The following GLCCI1 variants were observed in gnomAD, a reference collection of about 807,000 sequenced individuals.
The protein encoded by GLCCI1 is glucocorticoid induced 1, also known as glucocorticoid-induced transcript 1 protein.
GLCCI1 carries 24 observed loss-of-function variants against 52.2 expected under a neutral mutation model. That is an observed-to-expected ratio of 0.46 (90% CI 0.33 to 0.65). The LOEUF (loss-of-function observed/expected upper bound fraction) is 0.65, where lower values mean the gene tolerates loss of function less well. Among genes scored for constraint, GLCCI1 ranks in the 30% least tolerant of loss-of-function variants. The pLI is 0.02. For synonymous variants in GLCCI1, 310 were observed against 276.5 expected (o/e 1.12, Z -1.20); for missense variants, 704 against 701.5 (o/e 1.00, Z -0.04).
intron 5 of GLCCI1, among the ~76,000 whole-genome samples, chr7:8,061,657 CTTTT>C (rs61377819): frequency 3.3e-4 from 26 of 78,382 alleles, no homozygotes; most frequent in East Asian, 1.7e-3. Flanking sequence ...CCATTGAACT[CTTTT>C]TTTTTTTTTT....
At chr7:8,055,945 A>G (rs1355886134) in intron 4 of GLCCI1, among the ~76,000 whole-genome samples, 1 of 149,260 alleles carries the variant, frequency 6.7e-6, no homozygotes, top group African/African-American at 2.5e-5. Context: ...GTGAGCCAAG[A>G]TCGCGCCGCT....
chr7:8,047,529 A>AAG, intron 3 of GLCCI1, among the ~76,000 whole-genome samples: 3 of 152,238 alleles, frequency 2.0e-5, no homozygotes, highest in Non-Finnish European at 4.4e-5. Context: ...TGCTGAAGAT[A>AAG]ACTTTTTAGC....
intron 5 of GLCCI1, among the ~76,000 whole-genome samples, chr7:8,067,491 T>C (rs1428927910): frequency 6.6e-6 from 1 of 152,204 alleles, no homozygotes; most frequent in African/African-American, 2.4e-5. Flanking sequence ...CTTAATTGTG[T>C]TTTTGTAGTG....
Position 8,021,486 on chromosome 7 carries a change from C to T in GLCCI1, c.610-997C>T, listed in dbSNP as rs200358270. On this transcript the variant is annotated intron_variant, in intron 2 of 7. Transcript: ENST00000223145. ...GGAGTGCAATGACACAATCTTGGCT[C>T]ACTGCAGCCTCTGCCTCCCGGGTTC... 8.5e-5 allele frequency among the ~76,000 whole-genome samples: 13 copies of T among 152,226 alleles called. No homozygotes were observed. The East Asian group carries it at 2.3e-3, about 27-fold the overall frequency.
At position 8,072,359 on chromosome 7, in the gene GLCCI1, C is replaced by T. The variant is rs950801404; in HGVS notation, c.1177+1228C>T. ...ATGTGGGTAGATCTTAACAGTTCTC[C>T]CCTTTCTTGTTGACTCTTTCATTAC... On this transcript the variant is annotated intron_variant, in intron 6 of 7. Coordinates refer to ENST00000223145, the MANE Select transcript of GLCCI1 (RefSeq NM_138426.4). 3.3e-5 allele frequency among the ~76,000 whole-genome samples: 5 copies of T among 151,962 alleles called. No homozygotes were observed. In the East Asian group the frequency reaches 9.6e-4, roughly 29 times the overall value.
chr7:7,974,156 G>A (rs1240785211), intron 1 of GLCCI1, among the ~76,000 whole-genome samples: 1 of 152,146 alleles, frequency 6.6e-6, no homozygotes, highest in Admixed American at 6.5e-5. Flanking sequence ...GAGAGCAGCA[G>A]TGTTCATTAT....
At chr7:8,060,650 C>T (rs765891096) in intron 5 of GLCCI1, among the ~76,000 whole-genome samples, 14 of 152,070 alleles carry the variant, frequency 9.2e-5, no homozygotes, top group Non-Finnish European at 1.5e-4. Context: ...CCACGTTTAG[C>T]CTGTTATCAG....
intron 3 of GLCCI1, among the ~76,000 whole-genome samples, chr7:8,027,684 GAA>G (rs796859194): frequency 3.6e-5 from 5 of 139,518 alleles, no homozygotes; most frequent in Non-Finnish European, 3.1e-5. Context: ...CTGAATGGAT[GAA>G]AAAAAAAAAA....
intron 2 of GLCCI1, among the ~76,000 whole-genome samples, chr7:8,013,365 A>G (rs1339822757): frequency 2.0e-5 from 3 of 151,814 alleles, no homozygotes; most frequent in Non-Finnish European, 2.9e-5. Flanking sequence ...CTGATTTGAG[A>G]TATTGTTATA....
At chr7:7,989,807 C>T (rs147331234) in intron 1 of GLCCI1, among the ~76,000 whole-genome samples, 2 of 152,160 alleles carry the variant, frequency 1.3e-5, no homozygotes, top group African/African-American at 4.8e-5. Context: ...CATTTAAGTG[C>T]AAGGTAAACA....
At chr7:8,030,258 C>G (rs1247005705) in intron 3 of GLCCI1, among the ~76,000 whole-genome samples, 1 of 152,110 alleles carries the variant, frequency 6.6e-6, no homozygotes, top group Non-Finnish European at 1.5e-5. Flanking sequence ...AAAATGAGCT[C>G]ATTTTTGACA....
At chr7:7,988,457 C>G (rs1204736547) in intron 1 of GLCCI1, among the ~76,000 whole-genome samples, 3 of 151,992 alleles carry the variant, frequency 2.0e-5, no homozygotes. Context: ...CCTCTAAAAG[C>G]CTATTCAAAG....
chr7:8,052,246 T>TG (rs1284176743), intron 3 of GLCCI1, among the ~76,000 whole-genome samples: 6 of 152,168 alleles, frequency 3.9e-5, no homozygotes, highest in African/African-American at 1.4e-4. Context: ...GGTGCCTTAA[T>TG]GCTTGCTCAG....
At chr7:8,060,351 C>A in intron 5 of GLCCI1, 103 bp downstream of exon 5, 1 of 868,222 alleles carries the variant, frequency 1.2e-6, no homozygotes, top group Non-Finnish European at 1.8e-6. Flanking sequence ...AATTCACATA[C>A]CATCCAGTTT....
intron 4 of GLCCI1, among the ~76,000 whole-genome samples, chr7:8,058,899 C>A (rs1336744065): frequency 3.9e-5 from 6 of 152,072 alleles, no homozygotes; most frequent in Non-Finnish European, 7.4e-5. Flanking sequence ...TTGTATGTTT[C>A]ATGTATTATA....
chr7:8,088,714 T>A lies in GLCCI1; in HGVS notation c.*2176T>A, dbSNP rs1340711457. 1 of 152,664 alleles carries A rather than the reference T, an allele frequency of 6.6e-6. No homozygotes were observed. Among genetic ancestry groups the A allele is most frequent in the African/African-American group, 2.4e-5 (1 of 41,458 alleles). 9.5% of individuals were successfully genotyped at this position (152,664 alleles called of 1,614,324 possible). On this transcript the variant is annotated 3_prime_UTR_variant, in exon 8 of 8. Coordinates refer to ENST00000223145, the MANE Select transcript of GLCCI1 (RefSeq NM_138426.4). ...ATGCTTTTTTGGTGATGAAATCTCA[T>A]GTACGATATTTATAGTGATGTGCTT... is the stretch of plus-strand genomic sequence containing the variant.
At chr7:8,014,013 G>T (rs1225077128) in intron 2 of GLCCI1, among the ~76,000 whole-genome samples, 1 of 137,264 alleles carries the variant, frequency 7.3e-6, no homozygotes, top group Admixed American at 7.8e-5. Flanking sequence ...TTTTTGAGAC[G>T]GAGTCTTGCT....
At chr7:8,007,302 C>G (rs563896084) in intron 2 of GLCCI1, among the ~76,000 whole-genome samples, 4 of 152,236 alleles carry the variant, frequency 2.6e-5, no homozygotes, top group African/African-American at 9.6e-5. Flanking sequence ...TTAATATGTA[C>G]TACATACATA....
Position 7,969,482 on chromosome 7 carries a change from C to A in GLCCI1, c.132C>A (p.Gly44=). 1 of 1,010,800 alleles carries A rather than the reference C, an allele frequency of 9.9e-7. No homozygotes were observed. The highest frequency in any genetic ancestry group is 1.2e-6 in the Non-Finnish European group (1 of 845,960). 62.6% of individuals were successfully genotyped at this position (1,010,800 alleles called of 1,614,324 possible). A position where few individuals can be genotyped will look rare whatever the true frequency, so the allele number is the denominator to read the frequency against. The change falls in exon 1 of 8, where the codon GGC becomes GGA. Residue 44 remains glycine, a synonymous_variant. Coordinates refer to ENST00000223145, the MANE Select transcript of GLCCI1 (RefSeq NM_138426.4). The surrounding 1 kb of genome is among the most constrained non-coding windows in gnomAD (Gnocchi z 4.9). ...VAAAGSGNGA[G]GGGGVGCAPA... Reference sequence around the variant, plus strand: ...CCGCCGGGAGCGGGAACGGTGCGGGCGGCGGCGGCGGCGTGGGCTGCGCCC... The same window carrying A: ...CCGCCGGGAGCGGGAACGGTGCGGGAGGCGGCGGCGGCGTGGGCTGCGCCC...
Sources: allele counts gnomAD v4.1 joint callset (sites outside exome capture counted in the v4.1 genomes callset), GRCh38; gene constraint gnomAD v4.1.1; non-coding constraint Gnocchi (gnomAD v3.1); transcripts MANE v1.5; gene names NCBI Gene and HGNC (gene_info 2026-07-23, HGNC 2026-07-21).